The following TMX2 variants were observed in gnomAD, a reference collection of about 807,000 sequenced individuals.
The protein encoded by TMX2 is thioredoxin related transmembrane protein 2.
A neutral mutation model predicts 33.4 loss-of-function variants in TMX2; 20 were observed. The observed-to-expected ratio is 0.60, with a 90% CI of 0.42 to 0.87. The LOEUF (loss-of-function observed/expected upper bound fraction) is 0.87, where lower values mean the gene tolerates loss of function less well. TMX2 is among the 40% of genes least tolerant of loss of function. The pLI is 0.00. For missense variants in TMX2, 340 were observed against 370.7 expected, an observed-to-expected ratio of 0.92 and a Z score of 0.68; for synonymous variants, 166 against 140.7, an observed-to-expected ratio of 1.18 and a Z score of -1.27.
At chr11:57,716,059 G>T (rs538958425) in intron 1 of TMX2, among the ~76,000 whole-genome samples, 2 of 151,872 alleles carry the variant, frequency 1.3e-5, no homozygotes, top group East Asian at 3.9e-4. Context: ...CCACAAAACC[G>T]CCATTGTCAT....
At chr11:57,734,211 T>C (rs1344294638) in intron 1 of TMX2, among the ~76,000 whole-genome samples, 4 of 147,936 alleles carry the variant, frequency 2.7e-5, no homozygotes, top group Non-Finnish European at 5.9e-5. Context: ...ACACACTTTC[T>C]TAACTGCCTG....
chr11:57,715,967 T>C lies in TMX2; in HGVS notation c.189+3160T>C, dbSNP rs77174414. 3.3e-5 allele frequency among the ~76,000 whole-genome samples: 5 copies of C among 152,294 alleles called. No homozygotes were observed. In the East Asian group the frequency reaches 7.7e-4, roughly 24 times the overall value. ...CTTAGTACAGAACAAAATGAAAAGT[T>C]TCCCGTGTCTACTTCTTTCTACACA... On this transcript the variant is annotated intron_variant, in intron 1 of 7. Transcript: ENST00000278422.
At chr11:57,739,793 C>T (rs1036889202) in intron 7 of TMX2, among the ~76,000 whole-genome samples, 3 of 152,088 alleles carry the variant, frequency 2.0e-5, no homozygotes, top group African/African-American at 7.2e-5. Context: ...GCCACTGCAC[C>T]TATTGTCTGT....
At chr11:57,734,948 A>G (rs1445242515) in intron 1 of TMX2, among the ~76,000 whole-genome samples, 3 of 150,934 alleles carry the variant, frequency 2.0e-5, no homozygotes, top group Admixed American at 6.6e-5. Flanking sequence ...ATCCTGGCCA[A>G]CGTGGTGAAA....
chr11:57,720,017 G>A lies in TMX2; in HGVS notation c.189+7210G>A, dbSNP rs988308140. On this transcript the variant is annotated intron_variant, in intron 1 of 7. Transcript: ENST00000278422. The stretch of plus-strand genomic sequence containing the variant: ...AAAAAAGGTGCCACTGGTTGGGCGC[G>A]GTGGCTCACGCCTATAATCCCAGCA... Among the ~76,000 whole-genome samples the A allele has an allele frequency of 5.3e-5, 8 of 151,796 alleles. No homozygotes were observed. The East Asian group carries it at 5.8e-4, about 11-fold the overall frequency.
rs992781681 is a variant in TMX2 at position 57,715,424 on chromosome 11, T to TA, written c.189+2624dup. Among the ~76,000 whole-genome samples the TA allele has an allele frequency of 2.0e-5, 3 of 149,802 alleles. No individual in the cohort carries two copies. The East Asian group carries it at 5.8e-4, about 29-fold the overall frequency. On this transcript the variant is annotated intron_variant, in intron 1 of 7. Coordinates refer to ENST00000278422, the MANE Select transcript of TMX2 (RefSeq NM_015959.4). ...CTCAAAATAAATAAATAAATAAAATTAAAAAAATATATTTTATATATAATA... is the reference window on the plus strand; with the variant it reads ...CTCAAAATAAATAAATAAATAAAATTAAAAAAAATATATTTTATATATAATA...
rs768061402 is a variant in TMX2 at position 57,737,696 on chromosome 11, A to G, written c.250+28A>G. The stretch of plus-strand genomic sequence containing the variant: ...AAGTTTAGTTCACTTCTCAGACTCA[A>G]GGTTAGATCTAATGCCCTTTGGAGG... On this transcript the variant is annotated intron_variant, in intron 2 of 7. Coordinates refer to ENST00000278422, the MANE Select transcript of TMX2 (RefSeq NM_015959.4). 1.9e-6 allele frequency: 3 copies of G among 1,607,230 alleles called. No homozygotes were observed. In the South Asian group the frequency reaches 3.3e-5, roughly 18 times the overall value.
At chr11:57,713,578 A>G (rs1308000313) in intron 1 of TMX2, among the ~76,000 whole-genome samples, 1 of 152,198 alleles carries the variant, frequency 6.6e-6, no homozygotes, top group Non-Finnish European at 1.5e-5. Flanking sequence ...GGCCAAGGAA[A>G]AGCTTCCCCT....
At position 57,724,697 on chromosome 11, in the gene TMX2, C is replaced by A. The variant is rs374637038; in HGVS notation, c.189+11890C>A. 1.1e-4 allele frequency among the ~76,000 whole-genome samples: 16 copies of A among 151,598 alleles called. No homozygotes were observed. The East Asian group carries it at 3.1e-3, about 29-fold the overall frequency. On this transcript the variant is annotated intron_variant, in intron 1 of 7. Transcript: ENST00000278422. ...GTAAAATGTAAGATGTTTAAACAAG[C>A]TTTATCTAAGGTAGTTGTAACCCCT...
At chr11:57,717,486 C>T (rs886837460) in intron 1 of TMX2, among the ~76,000 whole-genome samples, 10 of 151,938 alleles carry the variant, frequency 6.6e-5, no homozygotes, top group South Asian at 4.2e-4. Context: ...GGATCACTCG[C>T]GGTTAGGAGC....
At chr11:57,719,658 AG>A (rs1156974235) in intron 1 of TMX2, among the ~76,000 whole-genome samples, 1 of 150,696 alleles carries the variant, frequency 6.6e-6, no homozygotes, top group African/African-American at 2.4e-5. Flanking sequence ...CTGGGATTAT[AG>A]GTGCACACCA....
intron 1 of TMX2, among the ~76,000 whole-genome samples, chr11:57,716,649 T>A (rs1247298198): frequency 7.9e-6 from 1 of 127,018 alleles, no homozygotes; most frequent in East Asian, 2.8e-4. Context: ...ACGGGGCGGC[T>A]GGCCGAGCGG....
chr11:57,715,810 T>A (rs1390147193), intron 1 of TMX2, among the ~76,000 whole-genome samples: 1 of 151,298 alleles, frequency 6.6e-6, no homozygotes, highest in African/African-American at 2.4e-5. Flanking sequence ...CCTTCAAGCA[T>A]CTGTTTAACA....
At chr11:57,736,446 T>C (rs1289361092) in intron 1 of TMX2, among the ~76,000 whole-genome samples, 4 of 152,092 alleles carry the variant, frequency 2.6e-5, no homozygotes, top group Admixed American at 2.0e-4. Context: ...AGCCACAGGT[T>C]GGACAAGAAG....
At chr11:57,731,433 CTTTTTTTT>C (rs140987390) in intron 1 of TMX2, among the ~76,000 whole-genome samples, 1 of 66,998 alleles carries the variant, frequency 1.5e-5, no homozygotes, top group African/African-American at 5.6e-5. Flanking sequence ...CGCACCCAGC[CTTTTTTTT>C]TTTTTTTTTT....
intron 1 of TMX2, among the ~76,000 whole-genome samples, chr11:57,733,503 C>T (rs1454850478): frequency 1.3e-5 from 2 of 151,844 alleles, no homozygotes; most frequent in East Asian, 1.9e-4. Flanking sequence ...GTGATCCACC[C>T]GCCTCGGCCT....
chr11:57,731,561 G>C lies in TMX2; in HGVS notation c.190-6047G>C, dbSNP rs572210229. Among the ~76,000 whole-genome samples, 3 of 149,894 alleles carry C rather than the reference G, an allele frequency of 2.0e-5. No individual in the cohort carries two copies. In the South Asian group the frequency reaches 6.3e-4, roughly 31 times the overall value. On this transcript the variant is annotated intron_variant, in intron 1 of 7. Coordinates refer to ENST00000278422, the MANE Select transcript of TMX2 (RefSeq NM_015959.4). ...TGGGCACATATTCTCAGGACCTCCA[G>C]AGGGCTGTGTCACAGGCCATGGTCA...
chr11:57,723,901 A>T (rs1421085689), intron 1 of TMX2, among the ~76,000 whole-genome samples: 112 of 150,132 alleles, frequency 7.5e-4, no homozygotes, highest in Middle Eastern at 6.9e-3. Flanking sequence ...TTTTTTTTTT[A>T]AAAAGGAAAA....
chr11:57,723,036 G>A (rs1179436458), intron 1 of TMX2, among the ~76,000 whole-genome samples: 9 of 152,050 alleles, frequency 5.9e-5, no homozygotes, highest in East Asian at 1.9e-4. Context: ...CCTTGAACCC[G>A]GAAAGCAGAG....
Sources: allele counts gnomAD v4.1 joint callset (sites outside exome capture counted in the v4.1 genomes callset), GRCh38; gene constraint gnomAD v4.1.1; transcripts MANE v1.5; gene names NCBI Gene and HGNC (gene_info 2026-07-23, HGNC 2026-07-21).